The following BAHD1 variants were observed in gnomAD, a reference collection of about 807,000 sequenced individuals.
The protein encoded by BAHD1 is bromo adjacent homology domain-containing 1 protein.
Under a neutral mutation model 63.1 loss-of-function variants are expected in BAHD1, and 20 were observed. The observed-to-expected ratio is 0.32, with a 90% CI of 0.22 to 0.46. The LOEUF is 0.46. Ranked by LOEUF, BAHD1 falls within the 20% of genes least tolerant of loss-of-function variation. The pLI, the probability that BAHD1 is intolerant of heterozygous loss-of-function variation, is 1.00. For synonymous variants in BAHD1, 408 were observed against 426.8 expected, an observed-to-expected ratio of 0.96 and a Z score of 0.54; for missense variants, 939 against 1,071.8, an observed-to-expected ratio of 0.88 and a Z score of 1.73.
At position 40,466,235 on chromosome 15, in the gene BAHD1, T is replaced by C; in HGVS notation, c.*105T>C. ...GTTAGGGGGCCACAGAGGCCTAAGT[T>C]TGCTGGCCTGTGGTTTTCTTGGGGG... On this transcript the variant is annotated 3_prime_UTR_variant, in exon 7 of 7. Coordinates refer to ENST00000416165, the MANE Select transcript of BAHD1 (RefSeq NM_014952.5). The C allele has an allele frequency of 9.1e-7, 1 of 1,094,608 alleles. No homozygotes were observed. The highest frequency in any genetic ancestry group is 2.8e-5 in the Admixed American group (1 of 36,290). 67.8% of individuals were successfully genotyped at this position (1,094,608 alleles called of 1,614,324 possible).
rs79685549 is a variant in BAHD1 at position 40,456,408 on chromosome 15, G to A, written c.-14-2043G>A. Among the ~76,000 whole-genome samples, 444 of 152,330 alleles carry A rather than the reference G, an allele frequency of 2.9e-3. 3 individuals are homozygous for A. The highest frequency in any genetic ancestry group is 0.01 in the African/African-American group (424 of 41,556). ...TCCACCTGTGCTTCAGGAATGAATG[G>A]GTTTGCCTTCTGTGACTCTGTCTTG... On this transcript the variant is annotated intron_variant, in intron 1 of 6. Transcript: ENST00000416165.
intron 4 of BAHD1, 171 bp from the exon 5 acceptor site, chr15:40,464,300 C>G: frequency 1.5e-6 from 1 of 670,272 alleles, no homozygotes; most frequent in Non-Finnish European, 2.6e-6. Flanking sequence ...TCCCTCCATG[C>G]CTAACAGCAT....
chr15:40,465,079 G>A, intron 5 of BAHD1: 1 of 529,552 alleles, frequency 1.9e-6, no homozygotes, highest in Non-Finnish European at 3.4e-6. Flanking sequence ...GCTAGGCAGG[G>A]CTGGGGTTTG....
chr15:40,448,762 C>G (rs948334418), intron 1 of BAHD1, among the ~76,000 whole-genome samples: 1 of 152,026 alleles, frequency 6.6e-6, no homozygotes, highest in African/African-American at 2.4e-5. Flanking sequence ...CTTTTAACTC[C>G]TGGCCTCCCA....
chr15:40,452,551 GCCCA>G (rs958943361), intron 1 of BAHD1, among the ~76,000 whole-genome samples: 3 of 150,520 alleles, frequency 2.0e-5, no homozygotes, highest in Non-Finnish European at 4.4e-5. Flanking sequence ...CTCAGTTGTG[GCCCA>G]CAACTGAGGG....
At chr15:40,448,190 C>T (rs994857044) in intron 1 of BAHD1, among the ~76,000 whole-genome samples, 13 of 150,740 alleles carry the variant, frequency 8.6e-5, no homozygotes, top group African/African-American at 2.4e-4. Flanking sequence ...TGCAGTGAGC[C>T]GAGATTGCGC....
In BAHD1 at chr15:40,462,231, TCGCCGC is replaced by T. The variant is rs752347404; in HGVS notation, c.1756_1761del (p.Arg586_Arg587del). 6.5e-5 allele frequency: 105 copies of T among 1,611,158 alleles called. No homozygotes were observed. The highest frequency in any genetic ancestry group is 1.6e-4 in the Middle Eastern group (1 of 6,080). On this transcript the variant is annotated inframe_deletion, in exon 3 of 7. Transcript: ENST00000416165. ...AGCGCCCACGCCCTCGCCGCCGCCGTCGCCGCCGCACTAATGGCTGGGTACCTGTTG... is the reference window on the plus strand; with the variant it reads ...AGCGCCCACGCCCTCGCCGCCGCCGTCGCACTAATGGCTGGGTACCTGTTG...
At chr15:40,447,878 A>G (rs186535421) in intron 1 of BAHD1, among the ~76,000 whole-genome samples, 20 of 152,290 alleles carry the variant, frequency 1.3e-4, no homozygotes, top group African/African-American at 4.6e-4. Flanking sequence ...AGGACAACGT[A>G]TCTTTGAAGC....
rs1336553679 is a variant in BAHD1 at position 40,467,965 on chromosome 15, T to C, written c.*1835T>C. ...GGGTCTTGGCTGCCCCGAACTTAAA[T>C]GCTTTTGAAATCTCTTAGATGTGGA... On this transcript the variant is annotated 3_prime_UTR_variant, in exon 7 of 7. Coordinates refer to ENST00000416165, the MANE Select transcript of BAHD1 (RefSeq NM_014952.5). The C allele has an allele frequency of 6.6e-6, 1 of 152,656 alleles. No individual in the cohort carries two copies. The highest frequency in any genetic ancestry group is 6.5e-5 in the Admixed American group (1 of 15,292). 9.5% of individuals were successfully genotyped at this position (152,656 alleles called of 1,614,324 possible).
chr15:40,438,749 G>A (rs965735698), upstream of BAHD1, among the ~76,000 whole-genome samples: 11 of 152,178 alleles, frequency 7.2e-5, no homozygotes, highest in Non-Finnish European at 7.3e-5. Flanking sequence ...TCGGCTGAAC[G>A]TGGGCTTCCT....
chr15:40,437,486 C>T (rs1252531060), upstream of BAHD1, among the ~76,000 whole-genome samples: 1 of 152,212 alleles, frequency 6.6e-6, no homozygotes, highest in East Asian at 1.9e-4. Flanking sequence ...GGGGAGGGGG[C>T]AAGTGCTGCT....
rs1377195193 is a variant in BAHD1, at chr15:40,467,977, C to A, written c.*1847C>A. On this transcript the variant is annotated 3_prime_UTR_variant, in exon 7 of 7. Transcript: ENST00000416165. ...CCCCGAACTTAAATGCTTTTGAAAT[C>A]TCTTAGATGTGGAAATATTTTTTCG... 1 of 152,606 alleles carries A rather than the reference C, an allele frequency of 6.6e-6. No individual in the cohort carries two copies. Among genetic ancestry groups the A allele is most frequent in the Non-Finnish European group, 1.5e-5 (1 of 68,040 alleles). The allele number at this position is 152,606 out of a possible 1,614,324, so 9.5% of individuals were successfully genotyped here. A position where few individuals can be genotyped will look rare whatever the true frequency, so the allele number is the denominator to read the frequency against.
chr15:40,443,165 C>CACCACA, intron 1 of BAHD1: 2 of 680,460 alleles, frequency 2.9e-6, no homozygotes, highest in Non-Finnish European at 3.6e-6. Context: ...GGTTAGAAGC[C>CACCACA]GCTCTCAACT....
At chr15:40,447,632 A>G (rs889773942) in intron 1 of BAHD1, among the ~76,000 whole-genome samples, 3 of 152,008 alleles carry the variant, frequency 2.0e-5, no homozygotes, top group Non-Finnish European at 4.4e-5. Context: ...ATGATTGAAT[A>G]ACTGAGAGAT....
At chr15:40,441,309 C>G (rs1388392268) in intron 1 of BAHD1, 41 bp downstream of exon 1, 1 of 150,636 alleles carries the variant, frequency 6.6e-6, no homozygotes, top group Non-Finnish European at 1.5e-5. Flanking sequence ...AAGGGGCGAG[C>G]TGGAGGGAGG....
At chr15:40,451,429 T>A (rs1316443928) in intron 1 of BAHD1, among the ~76,000 whole-genome samples, 5 of 152,258 alleles carry the variant, frequency 3.3e-5, no homozygotes, top group Non-Finnish European at 7.3e-5. Flanking sequence ...TAGCCCATGC[T>A]CCAACTCTTA....
rs1236010220 is a variant in BAHD1, at chr15:40,466,040, A to G, written c.2253A>G (p.Thr751=). The change falls in exon 7 of 7, where the codon ACA becomes ACG. Residue 751 remains threonine, a synonymous_variant. Transcript: ENST00000416165. ...SADYSTPPHR[T]VPEDTDPELV... ...ACTATTCCACCCCACCCCACCGCAC[A>G]GTGCCAGAGGACACGGACCCTGAGC... is the stretch of plus-strand genomic sequence containing the variant. 1.2e-6 allele frequency: 2 copies of G among 1,613,988 alleles called. No individual in the cohort carries two copies. The highest frequency in any genetic ancestry group is 8.5e-7 in the Non-Finnish European group (1 of 1,179,974).
intron 1 of BAHD1, among the ~76,000 whole-genome samples, chr15:40,445,265 AAAAAAAAAAAAC>A (rs1893505805): frequency 6.6e-6 from 1 of 151,388 alleles, no homozygotes; most frequent in South Asian, 2.1e-4. Flanking sequence ...GTAAAAAAAA[AAAAAAAAAAAAC>A]AACCCTTTCA....
In BAHD1 at chr15:40,459,027, C is replaced by T; in HGVS notation, c.563C>T (p.Ala188Val). ...AGTCGGGACCTGTCTCCAGAGCCAG[C>T]ACCCGATGAAGGTCCCCGCCGAGAT... ...GGSRDLSPEP[A>V]PDEGPRRDGD... is the part of the protein sequence containing the mutation. The change falls in exon 2 of 7, where the codon GCA (alanine) becomes GTA (valine). Residue 188 changes from alanine to valine, a missense_variant. Physicochemically the swap from Ala to Val is moderately conservative, Grantham distance 64. Transcript: ENST00000416165. 1.9e-6 allele frequency: 3 copies of T among 1,596,570 alleles called. No individual in the cohort carries two copies. Among genetic ancestry groups the T allele is most frequent in the Non-Finnish European group, 2.6e-6 (3 of 1,170,042 alleles).
Sources: gnomAD v4.1 joint callset for allele counts (sites outside exome capture counted in the v4.1 genomes callset) on GRCh38, gnomAD v4.1.1 for gene constraint, MANE v1.5 for transcripts, NCBI Gene and HGNC (gene_info 2026-07-23, HGNC 2026-07-21) for gene names.